DCC: variants seen among roughly 807,000 people sequenced by gnomAD.
DCC encodes netrin receptor DCC.
Under a neutral mutation model 172.5 loss-of-function variants are expected in DCC, and 58 were observed. That is an observed-to-expected ratio of 0.34 (90% CI 0.27 to 0.42). DCC has a LOEUF of 0.42. Ranked by LOEUF, DCC falls within the 10% of genes least tolerant of loss-of-function variation. The pLI, the probability that DCC is intolerant of heterozygous loss-of-function variation, is 1.00. For synonymous variants in DCC, 709 were observed against 644.5 expected (o/e 1.10, Z -1.52); for missense variants, 1,740 against 1,791.0 (o/e 0.97, Z 0.51).
At chr18:52,383,654 A>G (rs11877206) in intron 1 of DCC, among the ~76,000 whole-genome samples, 14,085 of 151,998 alleles carry the variant, frequency 0.093, 795 homozygotes, top group Middle Eastern at 0.16. Flanking sequence ...GATTTCATTC[A>G]TGAATTATTC....
intron 1 of DCC, among the ~76,000 whole-genome samples, chr18:52,384,944 A>C (rs189319659): frequency 9.2e-5 from 14 of 152,286 alleles, no homozygotes; most frequent in Admixed American, 3.3e-4. Flanking sequence ...ATGAAGAACT[A>C]ATCTTAATTA....
intron 7 of DCC, among the ~76,000 whole-genome samples, chr18:53,096,942 A>G (rs1568302655): frequency 6.6e-6 from 1 of 152,200 alleles, no homozygotes; most frequent in African/African-American, 2.4e-5. Flanking sequence ...AGGGTTTACA[A>G]AGCTAGATAA....
intron 27 of DCC, among the ~76,000 whole-genome samples, chr18:53,508,586 ATTTG>A (rs893176245): frequency 3.2e-4 from 48 of 152,234 alleles, no homozygotes; most frequent in African/African-American, 9.9e-4. Flanking sequence ...GAATATAGTT[ATTTG>A]TTTATTTTCT....
chr18:53,149,963 CA>C (rs1472158216), intron 7 of DCC, among the ~76,000 whole-genome samples: 1 of 152,126 alleles, frequency 6.6e-6, no homozygotes. Context: ...CAGCCCAAAC[CA>C]AATTTTCGAG....
chr18:52,923,846 C>T lies in DCC; in HGVS notation c.837C>T (p.Val279=). 1 of 1,612,920 alleles carries T rather than the reference C, an allele frequency of 6.2e-7. No individual in the cohort carries two copies. Among genetic ancestry groups the T allele is most frequent in the Non-Finnish European group, 8.5e-7 (1 of 1,179,166 alleles). Reference sequence around the variant, plus strand: ...TTACCTGGTTACGAGGCGAGGAAGTCATCCAACTCAGGTATTTCACATTTA... The same window carrying T: ...TTACCTGGTTACGAGGCGAGGAAGTTATCCAACTCAGGTATTTCACATTTA... The part of the protein sequence containing the change: ...PSFTWLRGEE[V]IQLRSKKYSL... The change falls in exon 4 of 29, where the codon GTC becomes GTT. Residue 279 remains valine, a synonymous_variant. Coordinates refer to ENST00000442544, the MANE Select transcript of DCC (RefSeq NM_005215.4).
intron 5 of DCC, among the ~76,000 whole-genome samples, chr18:52,964,542 G>T (rs1347922430): frequency 2.0e-5 from 3 of 152,012 alleles, no homozygotes; most frequent in Admixed American, 1.3e-4. Context: ...GATCGTAATT[G>T]ATTTAGTAGT....
At chr18:53,433,897 A>G (rs1243758888) in intron 21 of DCC, among the ~76,000 whole-genome samples, 1 of 152,208 alleles carries the variant, frequency 6.6e-6, no homozygotes, top group African/African-American at 2.4e-5. Context: ...AGGTGACTGA[A>G]TTAATTTATC....
At chr18:52,917,983 C>T (rs1296976965) in intron 3 of DCC, among the ~76,000 whole-genome samples, 2 of 127,422 alleles carry the variant, frequency 1.6e-5, no homozygotes, top group Non-Finnish European at 3.7e-5. Flanking sequence ...AGAAAAAAAT[C>T]CATTTTTTTC....
chr18:53,153,866 A>G (rs2054684244), intron 7 of DCC, among the ~76,000 whole-genome samples: 1 of 152,160 alleles, frequency 6.6e-6, no homozygotes, highest in Non-Finnish European at 1.5e-5. Flanking sequence ...TCAAGAAGCC[A>G]AGGAGCTTCC....
At chr18:52,489,539 A>G (rs2030396840) in intron 1 of DCC, among the ~76,000 whole-genome samples, 1 of 152,164 alleles carries the variant, frequency 6.6e-6, no homozygotes, top group Non-Finnish European at 1.5e-5. Context: ...AGAAAGATTG[A>G]TTCTCAGTAG....
At chr18:53,023,589 G>A (rs1032334551) in intron 5 of DCC, among the ~76,000 whole-genome samples, 10 of 151,852 alleles carry the variant, frequency 6.6e-5, no homozygotes, top group Admixed American at 1.3e-4. Flanking sequence ...AAAGCTGGAG[G>A]AAAAACAAAA....
intron 7 of DCC, among the ~76,000 whole-genome samples, chr18:53,108,046 T>G (rs2043276091): frequency 3.3e-5 from 5 of 151,734 alleles, no homozygotes; most frequent in Admixed American, 2.6e-4. Context: ...AGAGTAAAAC[T>G]CAACGTATTT....
chr18:53,525,243 A>G (rs2046441731), intron 27 of DCC, among the ~76,000 whole-genome samples: 2 of 152,006 alleles, frequency 1.3e-5, no homozygotes, highest in Non-Finnish European at 2.9e-5. Flanking sequence ...ATTTTCCCTC[A>G]CCATGTTATT....
chr18:52,462,812 A>G (rs977417999), intron 1 of DCC, among the ~76,000 whole-genome samples: 1 of 152,118 alleles, frequency 6.6e-6, no homozygotes, highest in African/African-American at 2.4e-5. Context: ...GAGTGCTGGC[A>G]CAGGTGCTGG....
intron 27 of DCC, among the ~76,000 whole-genome samples, chr18:53,522,893 A>G (rs567628853): frequency 6.6e-6 from 1 of 152,344 alleles, no homozygotes; most frequent in East Asian, 1.9e-4. Context: ...AGCAATGGCA[A>G]TGAAAGCCAA....
Position 53,121,967 on chromosome 18 carries a change from C to T in DCC, c.1262-35389C>T, listed in dbSNP as rs548321923. Among the ~76,000 whole-genome samples the T allele has an allele frequency of 2.6e-5, 4 of 152,056 alleles. No homozygotes were observed. In the East Asian group the frequency reaches 7.8e-4, roughly 30 times the overall value. On this transcript the variant is annotated intron_variant, in intron 7 of 28. Transcript: ENST00000442544. ...GTGATAAATACCCTGAGGCTCTATG[C>T]AAACCCTATTTTGAGAAAGAACACA... is the stretch of plus-strand genomic sequence containing the variant.
intron 1 of DCC, among the ~76,000 whole-genome samples, chr18:52,411,990 A>T (rs1459536412): frequency 3.9e-5 from 6 of 152,048 alleles, no homozygotes; most frequent in African/African-American, 1.4e-4. Context: ...CCCACTTATT[A>T]AAATTTTATC....
At chr18:52,842,021 T>TAC (rs1290884982) in intron 2 of DCC, among the ~76,000 whole-genome samples, 3 of 136,754 alleles carry the variant, frequency 2.2e-5, no homozygotes, top group Non-Finnish European at 4.9e-5. Context: ...TATATATATA[T>TAC]ACATATATAT....
chr18:52,944,410 A>C lies in DCC; in HGVS notation c.985+19040A>C, dbSNP rs2145531570. Among the ~76,000 whole-genome samples the C allele has an allele frequency of 2.0e-5, 3 of 152,284 alleles. No homozygotes were observed. In the South Asian group the frequency reaches 6.2e-4, roughly 32 times the overall value. On this transcript the variant is annotated intron_variant, in intron 5 of 28. Coordinates refer to ENST00000442544, the MANE Select transcript of DCC (RefSeq NM_005215.4). ...ACTGCAGCACCGTTTCTGCATCCAAAACTAGCTGTGCAATTGCTGCAAATA... is the reference window on the plus strand; with the variant it reads ...ACTGCAGCACCGTTTCTGCATCCAACACTAGCTGTGCAATTGCTGCAAATA...
Sources: gnomAD v4.1 joint callset for allele counts (sites outside exome capture counted in the v4.1 genomes callset) on GRCh38, gnomAD v4.1.1 for gene constraint, MANE v1.5 for transcripts, NCBI Gene and HGNC (gene_info 2026-07-23, HGNC 2026-07-21) for gene names.